ZNF556: variants seen among roughly 807,000 people sequenced by gnomAD.
The protein encoded by ZNF556 is zinc finger protein 556.
A neutral mutation model predicts 13.6 loss-of-function variants in ZNF556; 11 were observed. The ratio of observed to expected loss-of-function variants is 0.81; its 90% CI spans 0.51 to 1.33. The LOEUF (loss-of-function observed/expected upper bound fraction) is 1.33, where lower values mean the gene tolerates loss of function less well. Among genes scored for constraint, ZNF556 ranks in the 40% most tolerant of loss-of-function variants. The pLI, the probability that ZNF556 is intolerant of heterozygous loss-of-function variation, is 0.00. For missense variants in ZNF556, 633 were observed against 566.2 expected, an observed-to-expected ratio of 1.12 and a Z score of -1.20; for synonymous variants, 229 against 207.8, an observed-to-expected ratio of 1.10 and a Z score of -0.88.
In ZNF556 at chr19:2,877,693, C is replaced by G. The variant is rs756989712; in HGVS notation, c.735C>G (p.Ser245=). Residue 245 remains serine, a synonymous_variant, in exon 4 of 4, where the codon TCC becomes TCG. Transcript: ENST00000307635. ...GGAAAGGCTTCAGTTGTCCCAAATCCTTTCGCGCACATGTGATGATGCACG... is the reference window on the plus strand; with the variant it reads ...GGAAAGGCTTCAGTTGTCCCAAATCGTTTCGCGCACATGTGATGATGCACG... ...QCGKGFSCPK[S]FRAHVMMHAG... The G allele has an allele frequency of 3.1e-6, 5 of 1,614,072 alleles. No homozygotes were observed. Among genetic ancestry groups the G allele is most frequent in the Non-Finnish European group, 3.4e-6 (4 of 1,180,050 alleles).
At position 2,882,531 on chromosome 19, in the gene ZNF556, A is replaced by ATATATATATATAGTGTGTGTGTGTGT. The variant is rs57053138; in HGVS notation, c.*4202_*4203insTATATATATATAGTGTGTGTGTGTGT. 5.5e-5 allele frequency: 7 copies of ATATATATATATAGTGTGTGTGTGTGT among 127,720 alleles called. No homozygotes were observed. The highest frequency in any genetic ancestry group is 2.5e-4 in the Admixed American group (3 of 12,140). 7.9% of individuals were successfully genotyped at this position (127,720 alleles called of 1,614,324 possible). A position where few individuals can be genotyped will look rare whatever the true frequency, so the allele number is the denominator to read the frequency against. ...ATACATTTTATATATATATATATAT[A>ATATATATATATAGTGTGTGTGTGTGT]GTGTGTGTGTGTGTGTGTGTGTGTG... On this transcript the variant is annotated 3_prime_UTR_variant, in exon 4 of 4. Transcript: ENST00000307635.
At position 2,878,295 on chromosome 19, in the gene ZNF556, G is replaced by A; in HGVS notation, c.1337G>A (p.Ser446Asn). 2 of 1,614,018 alleles carry A rather than the reference G, an allele frequency of 1.2e-6. No individual in the cohort carries two copies. Among genetic ancestry groups the A allele is most frequent in the Non-Finnish European group, 1.7e-6 (2 of 1,180,000 alleles). ...CPKAFQGHVRSHTGKKSCTSK is the reference protein window; with the variant it reads ...CPKAFQGHVRNHTGKKSCTSK Reference sequence around the variant, plus strand: ...AAAGCCTTTCAAGGTCATGTGAGAAGTCACACAGGAAAGAAATCCTGTACA... The same window carrying A: ...AAAGCCTTTCAAGGTCATGTGAGAAATCACACAGGAAAGAAATCCTGTACA... The change falls in exon 4 of 4, where the codon AGT becomes AAT. Residue 446 changes from serine (S) to asparagine (N), a missense_variant. Ser to Asn is a conservative substitution (Grantham distance 46, BLOSUM62 1). Coordinates refer to ENST00000307635, the MANE Select transcript of ZNF556 (RefSeq NM_024967.3).
chr19:2,871,717 G>A (rs1215832934), intron 1 of ZNF556, among the ~76,000 whole-genome samples: 3 of 152,188 alleles, frequency 2.0e-5, no homozygotes, highest in Non-Finnish European at 2.9e-5. Flanking sequence ...TTCTCCCCAT[G>A]TGCAGAGACA....
At chr19:2,872,273 G>A (rs1455963666) in intron 1 of ZNF556, among the ~76,000 whole-genome samples, 4 of 151,966 alleles carry the variant, frequency 2.6e-5, no homozygotes, top group East Asian at 1.9e-4. Context: ...GCTAAGTAGC[G>A]GGTGTTTTTC....
intron 3 of ZNF556, 49 bp from the exon 4 acceptor site, chr19:2,877,224 A>T: frequency 1.4e-6 from 2 of 1,472,574 alleles, no homozygotes; most frequent in Non-Finnish European, 1.8e-6. Context: ...GAAAAAAAAA[A>T]AGAAATTATT....
intron 1 of ZNF556, among the ~76,000 whole-genome samples, chr19:2,869,715 A>C (rs1489196081): frequency 6.6e-6 from 1 of 151,992 alleles, no homozygotes; most frequent in Non-Finnish European, 1.5e-5. Context: ...TGTGACACCC[A>C]AGCTGACACG....
At chr19:2,870,675 A>G (rs1223484406) in intron 1 of ZNF556, among the ~76,000 whole-genome samples, 1 of 151,096 alleles carries the variant, frequency 6.6e-6, no homozygotes, top group African/African-American at 2.4e-5. Flanking sequence ...TGAACTCTGA[A>G]GGTGGAGTTT....
intron 1 of ZNF556, among the ~76,000 whole-genome samples, chr19:2,869,958 C>G (rs536099979): frequency 6.6e-6 from 1 of 152,276 alleles, no homozygotes; most frequent in Admixed American, 6.5e-5. Context: ...CCCCTCTGTC[C>G]AGTCACACAG....
chr19:2,874,669 G>T (rs372506425), intron 2 of ZNF556, among the ~76,000 whole-genome samples: 2 of 150,688 alleles, frequency 1.3e-5, no homozygotes, highest in African/African-American at 4.9e-5. Context: ...CCTTGAACTC[G>T]GGAGGCAGTG....
chr19:2,870,981 G>A (rs1015821036), intron 1 of ZNF556, among the ~76,000 whole-genome samples: 6 of 151,726 alleles, frequency 4.0e-5, no homozygotes, highest in African/African-American at 1.5e-4. Context: ...GGAGGTTGCA[G>A]TGAGCCGAGA....
rs988738378 is a variant in ZNF556, at chr19:2,878,142, A to T, written c.1184A>T (p.Glu395Val). 2.5e-6 allele frequency: 4 copies of T among 1,614,030 alleles called. No individual in the cohort carries two copies. The highest frequency in any genetic ancestry group is 3.4e-6 in the Non-Finnish European group (4 of 1,180,034). ...LHKHERKHTGEKPVNAASVGK... is the reference protein window; with the variant it reads ...LHKHERKHTGVKPVNAASVGK... Reference sequence around the variant, plus strand: ...AAACATGAGAGAAAGCACACTGGGGAGAAACCTGTAAATGCAGCCAGTGTG... The same window carrying T: ...AAACATGAGAGAAAGCACACTGGGGTGAAACCTGTAAATGCAGCCAGTGTG... Residue 395 changes from glutamate (E) to valine (V), a missense_variant, in exon 4 of 4, where the codon GAG becomes GTG. Transcript: ENST00000307635.
chr19:2,874,743 CAAAA>C (rs1165214161), intron 2 of ZNF556, among the ~76,000 whole-genome samples: 1 of 65,510 alleles, frequency 1.5e-5, no homozygotes, highest in Non-Finnish European at 3.2e-5. Context: ...GACTCTGTCT[CAAAA>C]AAAAAAAAAA....
chr19:2,880,095 C>T lies in ZNF556; in HGVS notation c.*1766C>T, dbSNP rs1307037403. 6.6e-6 allele frequency: 1 copy of T among 152,148 alleles called. No homozygotes were observed. The highest frequency in any genetic ancestry group is 2.4e-5 in the African/African-American group (1 of 41,446). The allele number at this position is 152,148 out of a possible 1,614,324, so 9.4% of individuals were successfully genotyped here. ...GGGGATTGTTTCCCTACTGCATCTA[C>T]TGTGACCTAGTATTCTTCGTGAGAT... On this transcript the variant is annotated 3_prime_UTR_variant, in exon 4 of 4. Coordinates refer to ENST00000307635, the MANE Select transcript of ZNF556 (RefSeq NM_024967.3).
At position 2,877,533 on chromosome 19, in the gene ZNF556, C is replaced by G. The variant is rs138582373; in HGVS notation, c.575C>G (p.Thr192Arg). 1 of 1,614,038 alleles carries G rather than the reference C, an allele frequency of 6.2e-7. No individual in the cohort carries two copies. Among genetic ancestry groups the G allele is most frequent in the East Asian group, 2.2e-5 (1 of 44,864 alleles). ...TTCAGTCGCCCTTCCTACCTACAGA[C>G]GCATGAGAAAACTCACAGTGGAGAG... ...KAFSRPSYLQTHEKTHSGEKP... is the reference protein window; with the variant it reads ...KAFSRPSYLQRHEKTHSGEKP... The change falls in exon 4 of 4, where the codon ACG (threonine) becomes AGG (arginine). Residue 192 changes from threonine to arginine, a missense_variant. Transcript: ENST00000307635.
At position 2,882,631 on chromosome 19, in the gene ZNF556, T is replaced by G. The variant is rs1024147580; in HGVS notation, c.*4302T>G. 6.7e-6 allele frequency: 1 copy of G among 149,524 alleles called. No homozygotes were observed. The highest frequency in any genetic ancestry group is 1.5e-5 in the Non-Finnish European group (1 of 67,772). 9.3% of individuals were successfully genotyped at this position (149,524 alleles called of 1,614,324 possible). ...GTGCAGTGGTGCGATCTCAGCTCAC[T>G]GCAACCTCCACCTCCCAGGTTCAAG... On this transcript the variant is annotated 3_prime_UTR_variant, in exon 4 of 4. Coordinates refer to ENST00000307635, the MANE Select transcript of ZNF556 (RefSeq NM_024967.3).
In ZNF556 at chr19:2,880,102, C is replaced by T. The variant is rs1366528132; in HGVS notation, c.*1773C>T. On this transcript the variant is annotated 3_prime_UTR_variant, in exon 4 of 4. Transcript: ENST00000307635. ...GTTTCCCTACTGCATCTACTGTGAC[C>T]TAGTATTCTTCGTGAGATAAATCTT... 1 of 152,136 alleles carries T rather than the reference C, an allele frequency of 6.6e-6. No homozygotes were observed. Among genetic ancestry groups the T allele is most frequent in the Admixed American group, 6.6e-5 (1 of 15,264 alleles). 9.4% of individuals were successfully genotyped at this position (152,136 alleles called of 1,614,324 possible).
In ZNF556 at chr19:2,874,571, T is replaced by C. The variant is rs187438516; in HGVS notation, c.130+949T>C. On this transcript the variant is annotated intron_variant, in intron 2 of 3. Transcript: ENST00000307635. Reference sequence around the variant, plus strand: ...CATCCTGGCTAACATAGTGAAACCCTGTCTCTACTAAAAATACAAAAAATT... The same window carrying C: ...CATCCTGGCTAACATAGTGAAACCCCGTCTCTACTAAAAATACAAAAAATT... Among the ~76,000 whole-genome samples the C allele has an allele frequency of 9.0e-3, 1,368 of 151,766 alleles. 21 individuals carry two copies. The highest frequency in any genetic ancestry group is 0.032 in the African/African-American group (1,305 of 41,378).
At chr19:2,867,469 G>A (rs752132477) in intron 1 of ZNF556, 45 bp downstream of exon 1, 1 of 1,571,638 alleles carries the variant, frequency 6.4e-7, no homozygotes. Flanking sequence ...GCCCTGGGAG[G>A]GGAGGGTTGG....
chr19:2,870,746 CA>C (rs1166819886), intron 1 of ZNF556, among the ~76,000 whole-genome samples: 82 of 78,756 alleles, frequency 1.0e-3, no homozygotes, highest in Middle Eastern at 0.012. Flanking sequence ...GACTCCATCT[CA>C]AAAAAAAAAA....
Sources: gnomAD v4.1 joint callset for allele counts (sites outside exome capture counted in the v4.1 genomes callset) on GRCh38, gnomAD v4.1.1 for gene constraint, MANE v1.5 for transcripts, NCBI Gene and HGNC (gene_info 2026-07-23, HGNC 2026-07-21) for gene names.